MALRD1: variants seen among roughly 807,000 people sequenced by gnomAD.
MALRD1 encodes the protein MAM and LDL receptor class A domain containing 1, also known as MAM and LDL-receptor class A domain-containing protein 1.
MALRD1 carries 247 observed loss-of-function variants against 242.1 expected under a neutral mutation model. The observed-to-expected ratio is 1.02, with a 90% CI of 0.92 to 1.13. MALRD1 has a LOEUF of 1.13. Ranked by LOEUF, MALRD1 falls within the 50% of genes most tolerant of loss-of-function variation. MALRD1 has a pLI of 0.00. For synonymous variants in MALRD1, 995 were observed against 866.6 expected (o/e 1.15, Z -2.60); for missense variants, 2,989 against 2,533.1 (o/e 1.18, Z -3.86).
chr10:19,666,044 C>T (rs1841670966), intron 36 of MALRD1, among the ~76,000 whole-genome samples: 1 of 152,126 alleles, frequency 6.6e-6, no homozygotes, highest in South Asian at 2.1e-4. Flanking sequence ...CTTCATCCCT[C>T]CTTGCTTCCC....
At chr10:19,450,851 G>A (rs1391456815) in intron 29 of MALRD1, among the ~76,000 whole-genome samples, 2 of 152,092 alleles carry the variant, frequency 1.3e-5, no homozygotes, top group African/African-American at 4.8e-5. Flanking sequence ...TTCACTTGGT[G>A]GAGTCCAAGT....
intron 36 of MALRD1, among the ~76,000 whole-genome samples, chr10:19,677,436 A>G (rs555627076): frequency 2.6e-5 from 4 of 152,242 alleles, no homozygotes; most frequent in East Asian, 1.9e-4. Context: ...TTTTAAAAGT[A>G]TATGTTTGTT....
At chr10:19,171,104 A>T (rs1266167862) in intron 13 of MALRD1, among the ~76,000 whole-genome samples, 1 of 152,064 alleles carries the variant, frequency 6.6e-6, no homozygotes, top group Non-Finnish European at 1.5e-5. Context: ...TGTAAAAAGT[A>T]ATCACTTGAT....
chr10:19,238,193 A>C (rs375304238), intron 18 of MALRD1, among the ~76,000 whole-genome samples: 1 of 52,864 alleles, frequency 1.9e-5, no homozygotes, highest in Non-Finnish European at 3.1e-5. Flanking sequence ...TGTAATATAC[A>C]TAATATATAT....
At chr10:19,691,737 C>A (rs767453653) in intron 36 of MALRD1, among the ~76,000 whole-genome samples, 1 of 151,974 alleles carries the variant, frequency 6.6e-6, no homozygotes, top group East Asian at 1.9e-4. Flanking sequence ...GTGATGGAAC[C>A]CTTGTAAGTG....
chr10:19,112,199 C>G (rs1233476856), intron 5 of MALRD1, among the ~76,000 whole-genome samples: 1 of 144,760 alleles, frequency 6.9e-6, no homozygotes, highest in Non-Finnish European at 1.5e-5. Context: ...GGCTTAAAAA[C>G]AGGACTAGCA....
At chr10:19,561,175 T>A (rs1835947081) in intron 32 of MALRD1, among the ~76,000 whole-genome samples, 1 of 152,186 alleles carries the variant, frequency 6.6e-6, no homozygotes, top group South Asian at 2.1e-4. Context: ...AATTCCATTG[T>A]GTTCTAAGAG....
intron 28 of MALRD1, among the ~76,000 whole-genome samples, chr10:19,422,693 C>T (rs1241151162): frequency 6.6e-6 from 1 of 152,250 alleles, no homozygotes; most frequent in East Asian, 1.9e-4. Flanking sequence ...TTTTCTAAGC[C>T]AGATTTCACC....
intron 28 of MALRD1, among the ~76,000 whole-genome samples, chr10:19,439,943 T>C (rs2496080): frequency 0.029 from 4,394 of 152,288 alleles, 84 homozygotes; most frequent in Middle Eastern, 0.088. Flanking sequence ...CATTTTCCCC[T>C]TCTTTCTATG....
chr10:19,674,584 TTATG>T (rs1176380503), intron 36 of MALRD1, among the ~76,000 whole-genome samples: 1 of 152,194 alleles, frequency 6.6e-6, no homozygotes, highest in Admixed American at 6.5e-5. Flanking sequence ...TTGTGTGCTT[TTATG>T]TATATTTCAA....
chr10:19,248,612 GAGA>G (rs1048319373), intron 18 of MALRD1, among the ~76,000 whole-genome samples: 5 of 151,896 alleles, frequency 3.3e-5, no homozygotes, highest in African/African-American at 1.2e-4. Flanking sequence ...CCTAGTAAAA[GAGA>G]AGGTGAAAGT....
chr10:19,198,715 G>A (rs74118852), intron 14 of MALRD1, among the ~76,000 whole-genome samples: 11,527 of 152,148 alleles, frequency 0.076, 540 homozygotes, highest in African/African-American at 0.13. Flanking sequence ...GGGTAGAATA[G>A]TGTAATTAAT....
At chr10:19,648,790 A>G (rs1365995461) in intron 36 of MALRD1, among the ~76,000 whole-genome samples, 5 of 152,200 alleles carry the variant, frequency 3.3e-5, no homozygotes, top group African/African-American at 4.8e-5. Flanking sequence ...AGTTTGTTAT[A>G]TAGGTAAATG....
chr10:19,396,506 A>G (rs1009789239), intron 28 of MALRD1, among the ~76,000 whole-genome samples: 1 of 152,196 alleles, frequency 6.6e-6, no homozygotes, highest in African/African-American at 2.4e-5. Context: ...TAAGATGGCA[A>G]GGAAGATACT....
rs372837098 is a variant in MALRD1, at chr10:19,734,007, G to A, written c.6391-150G>A. ...GTCAGAAACTCAAGCAGTGTGGGCT[G>A]TAGGTGCTGGAAGAAGAGTCAGGGA... On this transcript the variant is annotated intron_variant, in intron 39 of 39. Transcript: ENST00000454679. 3.0e-4 allele frequency: 180 copies of A among 593,524 alleles called. 3 individuals carry two copies. The highest frequency in any genetic ancestry group is 1.8e-3 in the Middle Eastern group (5 of 2,814). 36.8% of individuals were successfully genotyped at this position (593,524 alleles called of 1,614,324 possible).
intron 27 of MALRD1, among the ~76,000 whole-genome samples, chr10:19,388,184 G>T (rs1846167346): frequency 6.6e-6 from 1 of 152,026 alleles, no homozygotes; most frequent in Admixed American, 6.6e-5. Flanking sequence ...CATATTCCCT[G>T]TTTCATTAGG....
At chr10:19,221,804 C>A (rs1837564396) in intron 18 of MALRD1, among the ~76,000 whole-genome samples, 1 of 151,534 alleles carries the variant, frequency 6.6e-6, no homozygotes, top group Non-Finnish European at 1.5e-5. Flanking sequence ...ACAGGAAAAT[C>A]CTGATGATTA....
chr10:19,404,388 C>T (rs553969534), intron 28 of MALRD1, among the ~76,000 whole-genome samples: 101 of 152,044 alleles, frequency 6.6e-4, no homozygotes, highest in Middle Eastern at 3.4e-3. Context: ...GAGTGTTGAC[C>T]TGGAACTACA....
intron 21 of MALRD1, among the ~76,000 whole-genome samples, chr10:19,296,433 G>A (rs1017256092): frequency 6.6e-6 from 1 of 152,026 alleles, no homozygotes; most frequent in Non-Finnish European, 1.5e-5. Context: ...GCTTTGGCAT[G>A]ATTTTTCCAG....
Sources: gnomAD v4.1 joint callset for allele counts (sites outside exome capture counted in the v4.1 genomes callset) on GRCh38, gnomAD v4.1.1 for gene constraint, MANE v1.5 for transcripts, NCBI Gene and HGNC (gene_info 2026-07-23, HGNC 2026-07-21) for gene names.